Variants in COL8A1 observed in about 807,000 individuals in gnomAD.
COL8A1 encodes the protein collagen alpha-1(VIII) chain.
COL8A1 carries 21 observed loss-of-function variants against 42.7 expected under a neutral mutation model. The observed-to-expected ratio is 0.49, with a 90% CI of 0.35 to 0.71. The LOEUF (loss-of-function observed/expected upper bound fraction) is 0.71, where lower values mean the gene tolerates loss of function less well. COL8A1 is among the 30% of genes least tolerant of loss of function. The pLI, the probability that COL8A1 is intolerant of heterozygous loss-of-function variation, is 0.01. For synonymous variants in COL8A1, 367 were observed against 369.1 expected (o/e 0.99, Z 0.06); for missense variants, 788 against 962.4 (o/e 0.82, Z 2.40).
intron 1 of COL8A1, among the ~76,000 whole-genome samples, chr3:99,714,196 A>C (rs1426222373): frequency 2.0e-5 from 3 of 152,106 alleles, no homozygotes; most frequent in Non-Finnish European, 4.4e-5. Context: ...TTGTGGCTGT[A>C]ATGCAAGTAG....
chr3:99,688,129 T>C (rs1939117782), intron 1 of COL8A1, among the ~76,000 whole-genome samples: 2 of 152,196 alleles, frequency 1.3e-5, no homozygotes, highest in South Asian at 4.1e-4. Flanking sequence ...TCTATTTATG[T>C]TATATGTGGA....
chr3:99,667,229 T>A (rs9853312), intron 1 of COL8A1, among the ~76,000 whole-genome samples: 5,217 of 152,268 alleles, frequency 0.034, 144 homozygotes, highest in East Asian at 0.063. Flanking sequence ...GGGTTCCTTG[T>A]TTTGAGCCAT....
chr3:99,776,217 G>A (rs1360823721), intron 2 of COL8A1, among the ~76,000 whole-genome samples: 3 of 152,152 alleles, frequency 2.0e-5, no homozygotes, highest in Non-Finnish European at 2.9e-5. Context: ...AGCACCAGAT[G>A]GGACTCAGAA....
chr3:99,713,215 T>C (rs1939897694), intron 1 of COL8A1, among the ~76,000 whole-genome samples: 1 of 152,092 alleles, frequency 6.6e-6, no homozygotes, highest in African/African-American at 2.4e-5. Flanking sequence ...TCAAGTAACT[T>C]GCCCAAGTTC....
At chr3:99,701,601 A>C (rs1939541726) in intron 1 of COL8A1, among the ~76,000 whole-genome samples, 1 of 152,064 alleles carries the variant, frequency 6.6e-6, no homozygotes, top group Non-Finnish European at 1.5e-5. Context: ...TTATCCTCCT[A>C]ATTTTGTCCT....
intron 2 of COL8A1, among the ~76,000 whole-genome samples, chr3:99,771,196 G>A (rs1455073683): frequency 6.7e-6 from 1 of 148,982 alleles, no homozygotes; most frequent in Non-Finnish European, 1.5e-5. Flanking sequence ...GTCACCAAAG[G>A]GAGTCTGGAT....
intron 1 of COL8A1, among the ~76,000 whole-genome samples, chr3:99,738,728 T>G (rs1428360900): frequency 4.6e-5 from 6 of 130,412 alleles, no homozygotes; most frequent in Admixed American, 8.0e-5. Context: ...CAGGCAGGCC[T>G]CCTTGAGCTG....
chr3:99,768,359 G>C (rs994513922), intron 2 of COL8A1, among the ~76,000 whole-genome samples: 2 of 152,138 alleles, frequency 1.3e-5, no homozygotes, highest in African/African-American at 4.8e-5. Flanking sequence ...CACACTAAGA[G>C]CTCTCATTTA....
chr3:99,695,551 T>G (rs1301657724), intron 1 of COL8A1, among the ~76,000 whole-genome samples: 1 of 152,068 alleles, frequency 6.6e-6, no homozygotes, highest in African/African-American at 2.4e-5. Context: ...GGATTGGATG[T>G]TCTTTCTTCT....
chr3:99,755,701 AT>A (rs1941240457), intron 2 of COL8A1, among the ~76,000 whole-genome samples: 1 of 152,194 alleles, frequency 6.6e-6, no homozygotes, highest in South Asian at 2.1e-4. Context: ...ATGCAACACA[AT>A]GATCTGGAAG....
At chr3:99,706,869 C>T (rs763551785) in intron 1 of COL8A1, among the ~76,000 whole-genome samples, 1 of 152,108 alleles carries the variant, frequency 6.6e-6, no homozygotes, top group Non-Finnish European at 1.5e-5. Flanking sequence ...TCATAGAGCA[C>T]CCGGGAAGAG....
At chr3:99,652,170 A>G (rs1371327407) in intron 1 of COL8A1, among the ~76,000 whole-genome samples, 1 of 152,244 alleles carries the variant, frequency 6.6e-6, no homozygotes, top group East Asian at 1.9e-4. Flanking sequence ...GGAAGAATCC[A>G]TGACTCCTTT....
At chr3:99,713,853 C>G (rs1444211508) in intron 1 of COL8A1, among the ~76,000 whole-genome samples, 1 of 152,024 alleles carries the variant, frequency 6.6e-6, no homozygotes, top group Non-Finnish European at 1.5e-5. Context: ...ACAAGAGGAG[C>G]CAACTTGCCC....
chr3:99,652,476 A>G (rs751976920), intron 1 of COL8A1, among the ~76,000 whole-genome samples: 1 of 152,170 alleles, frequency 6.6e-6, no homozygotes, highest in African/African-American at 2.4e-5. Flanking sequence ...TAATATCGTG[A>G]GTGTTGGGGC....
chr3:99,750,872 G>T (rs946370268), intron 2 of COL8A1, among the ~76,000 whole-genome samples: 1 of 152,146 alleles, frequency 6.6e-6, no homozygotes, highest in African/African-American at 2.4e-5. Context: ...TCATTAAAGT[G>T]TACCTCTTTC....
intron 2 of COL8A1, among the ~76,000 whole-genome samples, chr3:99,779,765 T>C (rs35431878): frequency 0.087 from 13,275 of 152,264 alleles, 649 homozygotes; most frequent in Middle Eastern, 0.11. Flanking sequence ...AAGTCTTAAA[T>C]TGCATACTCA....
intron 1 of COL8A1, among the ~76,000 whole-genome samples, chr3:99,733,134 TA>T (rs1182608723): frequency 1.2e-4 from 17 of 143,562 alleles, no homozygotes; most frequent in Admixed American, 6.1e-4. Flanking sequence ...TTTTTTTTTT[TA>T]AACTTTCTTT....
chr3:99,769,502 T>C (rs1941536705), intron 2 of COL8A1, among the ~76,000 whole-genome samples: 1 of 152,262 alleles, frequency 6.6e-6, no homozygotes, highest in Non-Finnish European at 1.5e-5. Flanking sequence ...GACAGTGTCC[T>C]GTCATTAAAG....
intron 1 of COL8A1, among the ~76,000 whole-genome samples, chr3:99,696,332 A>C (rs1359605467): frequency 2.0e-5 from 3 of 152,186 alleles, no homozygotes; most frequent in African/African-American, 4.8e-5. Context: ...ACTTATTTCA[A>C]ATATTCTCAA....
Sources: gnomAD v4.1 joint callset for allele counts (sites outside exome capture counted in the v4.1 genomes callset) on GRCh38, gnomAD v4.1.1 for gene constraint, MANE v1.5 for transcripts, NCBI Gene and HGNC (gene_info 2026-07-23, HGNC 2026-07-21) for gene names.